Variants in ACTR2 observed in about 807,000 individuals in gnomAD.
ACTR2 encodes the protein actin related protein 2.
A neutral mutation model predicts 50.2 loss-of-function variants in ACTR2; 5 were observed. The ratio of observed to expected loss-of-function variants is 0.10; its 90% CI spans 0.05 to 0.21. The LOEUF (loss-of-function observed/expected upper bound fraction) is 0.21. Among genes scored for constraint, ACTR2 ranks in the 10% least tolerant of loss-of-function variants. The pLI is 1.00. For synonymous variants in ACTR2, 140 were observed against 162.9 expected (o/e 0.86, Z 1.07); for missense variants, 180 against 480.6 (o/e 0.37, Z 5.85).
intron 1 of ACTR2, among the ~76,000 whole-genome samples, chr2:65,237,295 G>T (rs548072451): frequency 1.3e-4 from 20 of 152,000 alleles, no homozygotes; most frequent in Admixed American, 2.6e-4. Context: ...TTGAGACAGG[G>T]TCTCACATGA....
intron 6 of ACTR2, among the ~76,000 whole-genome samples, 176 bp downstream of exon 6, chr2:65,255,870 G>A (rs554225683): frequency 6.6e-6 from 1 of 151,980 alleles, no homozygotes; most frequent in South Asian, 2.1e-4. Flanking sequence ...ATTATTTTAG[G>A]GCACCATATA....
chr2:65,240,759 A>G (rs931480820), intron 2 of ACTR2, among the ~76,000 whole-genome samples: 3 of 152,188 alleles, frequency 2.0e-5, no homozygotes, highest in Non-Finnish European at 2.9e-5. Flanking sequence ...GGTCTTTTTT[A>G]GTGAATTATT....
chr2:65,253,355 A>G (rs1381526516), intron 4 of ACTR2, among the ~76,000 whole-genome samples: 1 of 151,900 alleles, frequency 6.6e-6, no homozygotes, highest in East Asian at 1.9e-4. Context: ...GGTGGGAGGT[A>G]TGACTTGAAC....
At chr2:65,254,958 A>G (rs1339540990) in intron 5 of ACTR2, among the ~76,000 whole-genome samples, 3 of 152,274 alleles carry the variant, frequency 2.0e-5, no homozygotes, top group Non-Finnish European at 4.4e-5. Flanking sequence ...TTATTTGTAA[A>G]GTCTAGTAAT....
At chr2:65,236,612 A>G (rs1039031574) in intron 1 of ACTR2, among the ~76,000 whole-genome samples, 2 of 151,640 alleles carry the variant, frequency 1.3e-5, no homozygotes, top group African/African-American at 4.8e-5. Flanking sequence ...GACAGGTCTC[A>G]TTCTGTTGCC....
At chr2:65,251,626 G>A (rs984783939) in intron 4 of ACTR2, among the ~76,000 whole-genome samples, 1 of 152,168 alleles carries the variant, frequency 6.6e-6, no homozygotes, top group Non-Finnish European at 1.5e-5. Flanking sequence ...CTCCTGAAGT[G>A]CTGGGATTAC....
At chr2:65,252,576 C>G (rs1672074030) in intron 4 of ACTR2, among the ~76,000 whole-genome samples, 1 of 151,954 alleles carries the variant, frequency 6.6e-6, no homozygotes, top group African/African-American at 2.4e-5. Flanking sequence ...ACCCAGGAGG[C>G]AGAGGTTGCA....
intron 2 of ACTR2, among the ~76,000 whole-genome samples, chr2:65,246,028 G>T (rs1012386278): frequency 6.6e-6 from 1 of 151,954 alleles, no homozygotes. Context: ...CATTATTATA[G>T]AGTAATAAAG....
intron 7 of ACTR2, among the ~76,000 whole-genome samples, chr2:65,262,311 C>T (rs1345810994): frequency 6.6e-6 from 1 of 152,076 alleles, no homozygotes; most frequent in Non-Finnish European, 1.5e-5. Flanking sequence ...CTCACTGCAA[C>T]CTCTGCCTCC....
Position 65,239,969 on chromosome 2 carries a change from T to C in ACTR2, c.159+7T>C. On this transcript the variant is annotated splice_region_variant and intron_variant, in intron 2 of 8. Coordinates refer to ENST00000260641, the MANE Select transcript of ACTR2 (RefSeq NM_005722.4). ...GGGAAACATTGAAATCAAGGTAATA[T>C]TTTATTTATTGATAAATGATAATCA... 6.6e-7 allele frequency: 1 copy of C among 1,515,090 alleles called. No homozygotes were observed. Among genetic ancestry groups the C allele is most frequent in the Non-Finnish European group, 9.2e-7 (1 of 1,090,850 alleles). The allele number at this position is 1,515,090 out of a possible 1,614,324, so 93.9% of individuals were successfully genotyped here. A position where few individuals can be genotyped will look rare whatever the true frequency, so the allele number is the denominator to read the frequency against.
intron 3 of ACTR2, among the ~76,000 whole-genome samples, chr2:65,249,685 T>C (rs766120112): frequency 6.6e-6 from 1 of 151,926 alleles, no homozygotes; most frequent in Non-Finnish European, 1.5e-5. Context: ...CAAGGGGTGC[T>C]CAGTCAAGAT....
chr2:65,266,793 A>G (rs1375953795), intron 8 of ACTR2, among the ~76,000 whole-genome samples: 1 of 152,196 alleles, frequency 6.6e-6, no homozygotes, highest in Non-Finnish European at 1.5e-5. Flanking sequence ...TAGGATTGCC[A>G]TGCAGCAGGA....
At chr2:65,239,725 G>A (rs1265649060) in intron 1 of ACTR2, 127 bp from the exon 2 acceptor site, 11 of 659,728 alleles carry the variant, frequency 1.7e-5, no homozygotes, top group Admixed American at 7.5e-5. Context: ...TGGCTACTTC[G>A]GGTGGACTGA....
chr2:65,250,603 G>A (rs1444682033), intron 3 of ACTR2, among the ~76,000 whole-genome samples: 2 of 148,304 alleles, frequency 1.3e-5, no homozygotes, highest in East Asian at 4.0e-4. Flanking sequence ...AACCCTGGAG[G>A]TGGAGGTTGC....
chr2:65,268,828 C>A lies in ACTR2; in HGVS notation c.*94C>A. ...ATTCAACTCCAGGACATGGAAGAGG[C>A]CTCTCTCTGCCCTTTGACTGGAAAG... On this transcript the variant is annotated 3_prime_UTR_variant, in exon 9 of 9. Coordinates refer to ENST00000260641, the MANE Select transcript of ACTR2 (RefSeq NM_005722.4). The A allele has an allele frequency of 7.7e-7, 1 of 1,302,814 alleles. No individual in the cohort carries two copies. Among genetic ancestry groups the A allele is most frequent in the Non-Finnish European group, 1.1e-6 (1 of 939,880 alleles). 80.7% of individuals were successfully genotyped at this position (1,302,814 alleles called of 1,614,324 possible). A position where few individuals can be genotyped will look rare whatever the true frequency, so the allele number is the denominator to read the frequency against.
intron 3 of ACTR2, among the ~76,000 whole-genome samples, chr2:65,250,027 A>G (rs13418076): frequency 1.4e-3 from 216 of 152,250 alleles, no homozygotes; most frequent in Middle Eastern, 0.01. Flanking sequence ...GGGAGGGGGT[A>G]CGAGGCTCTG....
rs1474853828 is a variant in ACTR2 at position 65,253,669 on chromosome 2, C to T, written c.449-59C>T. ...TGGCTTCCCTACTGTATTTGGAACT[C>T]GCTGGCTTTGGTTTTCCTGATTTGA... On this transcript the variant is annotated intron_variant, in intron 4 of 8. Coordinates refer to ENST00000260641, the MANE Select transcript of ACTR2 (RefSeq NM_005722.4). 2.5e-6 allele frequency: 4 copies of T among 1,572,688 alleles called. No homozygotes were observed. The African/African-American group carries it at 4.1e-5, about 16-fold the overall frequency.
chr2:65,238,693 G>A (rs114865612), intron 1 of ACTR2, among the ~76,000 whole-genome samples: 1,584 of 149,892 alleles, frequency 0.011, 36 homozygotes, highest in African/African-American at 0.036. Flanking sequence ...CTAGCCAGGC[G>A]CGGTGACTCA....
intron 3 of ACTR2, 85 bp from the exon 4 acceptor site, chr2:65,250,942 A>G: frequency 1.1e-6 from 1 of 886,700 alleles, no homozygotes; most frequent in Non-Finnish European, 1.7e-6. Context: ...TGGGCAATTA[A>G]TTCACTCTGT....
Sources: gnomAD v4.1 joint callset for allele counts (sites outside exome capture counted in the v4.1 genomes callset) on GRCh38, gnomAD v4.1.1 for gene constraint, MANE v1.5 for transcripts, NCBI Gene and HGNC (gene_info 2026-07-23, HGNC 2026-07-21) for gene names.